The following PPP4R2 variants were observed in gnomAD, a reference collection of about 807,000 sequenced individuals.
PPP4R2 encodes protein phosphatase 4 regulatory subunit 2, also known as serine/threonine-protein phosphatase 4 regulatory subunit 2.
Under a neutral mutation model 47.2 loss-of-function variants are expected in PPP4R2, and 13 were observed. The observed-to-expected ratio is 0.28, with a 90% CI of 0.18 to 0.44. The LOEUF is 0.44. PPP4R2 is among the 20% of genes least tolerant of loss of function. The probability of loss-of-function intolerance (pLI) is 1.00; values close to 1 mark genes in which losing one functional copy is unlikely to be tolerated. For missense variants in PPP4R2, 421 were observed against 491.2 expected (o/e 0.86, Z 1.35); for synonymous variants, 151 against 163.3 (o/e 0.92, Z 0.57).
At chr3:73,020,672 T>TTTAAAAA (rs59905202) in intron 2 of PPP4R2, among the ~76,000 whole-genome samples, 5 of 133,224 alleles carry the variant, frequency 3.8e-5, no homozygotes, top group South Asian at 5.0e-4. Flanking sequence ...CCTGTCTCTT[T>TTTAAAAA]AAAAAAAAAA....
At chr3:73,035,044 G>A (rs1455390270) in intron 2 of PPP4R2, among the ~76,000 whole-genome samples, 1 of 152,122 alleles carries the variant, frequency 6.6e-6, no homozygotes, top group African/African-American at 2.4e-5. Flanking sequence ...TTTCTGACAA[G>A]GGATTAATAA....
intron 2 of PPP4R2, among the ~76,000 whole-genome samples, chr3:73,017,443 C>T (rs1259435267): frequency 6.6e-6 from 1 of 152,164 alleles, no homozygotes; most frequent in Admixed American, 6.6e-5. Context: ...GCAGTGCTGA[C>T]CACTTCCCCC....
intron 2 of PPP4R2, among the ~76,000 whole-genome samples, chr3:73,036,070 A>G: frequency 6.6e-6 from 1 of 152,214 alleles, no homozygotes. Flanking sequence ...TATAAAAAGA[A>G]TGAATGAAGT....
intron 2 of PPP4R2, among the ~76,000 whole-genome samples, chr3:73,006,190 ATTTTTTTTTT>A (rs71624000): frequency 0.39 from 48,096 of 124,136 alleles, 8,444 homozygotes; most frequent in African/African-American, 0.45. Context: ...ATATGCCACA[ATTTTTTTTTT>A]TTTTTTTTTT....
At chr3:73,032,873 C>A (rs998390971) in intron 2 of PPP4R2, among the ~76,000 whole-genome samples, 9 of 151,980 alleles carry the variant, frequency 5.9e-5, no homozygotes, top group Admixed American at 5.2e-4. Context: ...ATGACTAATT[C>A]AACCCCAAAT....
chr3:73,063,242 C>T (rs1439617678), intron 5 of PPP4R2: 9 of 311,728 alleles, frequency 2.9e-5, no homozygotes, highest in South Asian at 2.4e-4. Flanking sequence ...GCATCTACCC[C>T]GTAAGATCTT....
intron 2 of PPP4R2, among the ~76,000 whole-genome samples, chr3:73,040,302 T>C (rs1302739177): frequency 2.0e-5 from 3 of 152,180 alleles, no homozygotes; most frequent in Non-Finnish European, 2.9e-5. Flanking sequence ...CTACAAAGTA[T>C]GGTACATGGT....
chr3:73,053,374 A>G (rs2107322403), intron 3 of PPP4R2, among the ~76,000 whole-genome samples: 1 of 152,154 alleles, frequency 6.6e-6, no homozygotes. Context: ...GTCTAGTGGT[A>G]ATATGGCTTG....
intron 2 of PPP4R2, among the ~76,000 whole-genome samples, chr3:73,030,118 G>A (rs1360558380): frequency 2.0e-5 from 3 of 152,154 alleles, no homozygotes; most frequent in Non-Finnish European, 1.5e-5. Flanking sequence ...TTAAAAGGGA[G>A]AAATATCAGT....
chr3:73,016,813 CTTTT>C lies in PPP4R2; in HGVS notation c.116+18674_116+18677del, dbSNP rs1207946652. Among the ~76,000 whole-genome samples the C allele has an allele frequency of 7.4e-3, 538 of 72,848 alleles. 8 individuals are homozygous for C. The highest frequency in any genetic ancestry group is 0.02 in the African/African-American group (342 of 17,008). The allele number at this position is 72,848 out of a possible 152,430, so 47.8% of individuals were successfully genotyped here. On this transcript the variant is annotated intron_variant, in intron 2 of 8. Coordinates refer to ENST00000356692, the MANE Select transcript of PPP4R2 (RefSeq NM_174907.4). Reference sequence around the variant, plus strand: ...AACTGGCTTTACTGGTTCATTGTTTCTTTTTTTTTTTTTTTTTTTTTTAAATACA... The same window carrying C: ...AACTGGCTTTACTGGTTCATTGTTTCTTTTTTTTTTTTTTTTTTAAATACA...
intron 2 of PPP4R2, among the ~76,000 whole-genome samples, chr3:73,021,110 T>C (rs141129558): frequency 1.3e-5 from 2 of 152,146 alleles, no homozygotes; most frequent in East Asian, 1.9e-4. Context: ...TATGCAGATA[T>C]GTTTTTGAAA....
At chr3:73,029,541 G>GA (rs1457585811) in intron 2 of PPP4R2, among the ~76,000 whole-genome samples, 1 of 150,866 alleles carries the variant, frequency 6.6e-6, no homozygotes, top group Non-Finnish European at 1.5e-5. Context: ...CTGAGCATCC[G>GA]AAGTGTGGAA....
At chr3:73,043,343 C>T (rs1334545819) in intron 2 of PPP4R2, among the ~76,000 whole-genome samples, 1 of 151,972 alleles carries the variant, frequency 6.6e-6, no homozygotes, top group Non-Finnish European at 1.5e-5. Context: ...CTCAAATTCC[C>T]CTTTCTAAAA....
chr3:73,023,682 G>A (rs570622655), intron 2 of PPP4R2, among the ~76,000 whole-genome samples: 7 of 152,212 alleles, frequency 4.6e-5, no homozygotes, highest in South Asian at 2.1e-4. Context: ...ATTTCTATCC[G>A]ATGTAATATA....
rs148050479 is a variant in PPP4R2 at position 73,015,965 on chromosome 3, A to G, written c.116+17807A>G. ...TTTTTTTGAGTAGAGACAGGGTTTCACCATGTTATCCAGGCTGGTCTCGAA... is the reference window on the plus strand; with the variant it reads ...TTTTTTTGAGTAGAGACAGGGTTTCGCCATGTTATCCAGGCTGGTCTCGAA... On this transcript the variant is annotated intron_variant, in intron 2 of 8. Coordinates refer to ENST00000356692, the MANE Select transcript of PPP4R2 (RefSeq NM_174907.4). The G allele has an allele frequency of 3.6e-3, 800 of 224,862 alleles. 7 individuals are homozygous for G. The highest frequency in any genetic ancestry group is 0.018 in the African/African-American group (762 of 41,996). The allele number at this position is 224,862 out of a possible 1,614,324, so 13.9% of individuals were successfully genotyped here. A position where few individuals can be genotyped will look rare whatever the true frequency, so the allele number is the denominator to read the frequency against.
intron 2 of PPP4R2, among the ~76,000 whole-genome samples, chr3:73,009,454 T>G (rs1354324425): frequency 6.6e-6 from 1 of 152,228 alleles, no homozygotes; most frequent in Non-Finnish European, 1.5e-5. Flanking sequence ...AAATATCTGT[T>G]AGTTTTACCT....
At chr3:73,060,139 C>T (rs1325413340) in intron 4 of PPP4R2, among the ~76,000 whole-genome samples, 2 of 152,086 alleles carry the variant, frequency 1.3e-5, no homozygotes, top group African/African-American at 4.8e-5. Context: ...TTCAAATCCA[C>T]TTTATTTTAC....
At chr3:73,036,051 C>G (rs1702255429) in intron 2 of PPP4R2, among the ~76,000 whole-genome samples, 1 of 152,136 alleles carries the variant, frequency 6.6e-6, no homozygotes, top group South Asian at 2.1e-4. Context: ...AAATACAGTC[C>G]AATTCAGATA....
At chr3:73,011,663 C>G (rs963687094) in intron 2 of PPP4R2, among the ~76,000 whole-genome samples, 2 of 152,080 alleles carry the variant, frequency 1.3e-5, no homozygotes, top group African/African-American at 4.8e-5. Flanking sequence ...GTACCCTTAA[C>G]ATTTGTAATT....
Sources: gnomAD v4.1 joint callset for allele counts (sites outside exome capture counted in the v4.1 genomes callset) on GRCh38, gnomAD v4.1.1 for gene constraint, MANE v1.5 for transcripts, NCBI Gene and HGNC (gene_info 2026-07-23, HGNC 2026-07-21) for gene names.